The following MTHFD1L variants were observed in gnomAD, a reference collection of about 807,000 sequenced individuals.
MTHFD1L encodes the protein monofunctional C1-tetrahydrofolate synthase, mitochondrial.
MTHFD1L carries 81 observed loss-of-function variants against 119.5 expected under a neutral mutation model. The observed-to-expected ratio is 0.68, with a 90% confidence interval of 0.57 to 0.82. The LOEUF (loss-of-function observed/expected upper bound fraction) is 0.82, where lower values mean the gene tolerates loss of function less well. Ranked by LOEUF, MTHFD1L falls within the 40% of genes least tolerant of loss-of-function variation. The probability of loss-of-function intolerance (pLI) is 0.00; values close to 1 mark genes in which losing one functional copy is unlikely to be tolerated. For synonymous variants in MTHFD1L, 430 were observed against 475.2 expected (o/e 0.90, Z 1.24); for missense variants, 1,125 against 1,253.4 (o/e 0.90, Z 1.55).
intron 7 of MTHFD1L, among the ~76,000 whole-genome samples, chr6:150,892,435 C>G (rs1438366439): frequency 6.6e-6 from 1 of 152,156 alleles, no homozygotes; most frequent in East Asian, 1.9e-4. Context: ...GGGTAACATT[C>G]TTGTTTTCAT....
chr6:150,975,011 T>A (rs1776350760), intron 20 of MTHFD1L, among the ~76,000 whole-genome samples: 2 of 152,172 alleles, frequency 1.3e-5, no homozygotes, highest in South Asian at 4.1e-4. Context: ...GTGCTGGGAT[T>A]ACAGGTGTGA....
chr6:150,869,006 A>G (rs971767383), intron 1 of MTHFD1L, among the ~76,000 whole-genome samples: 10 of 152,212 alleles, frequency 6.6e-5, no homozygotes, highest in African/African-American at 2.4e-4. Context: ...GGCTACAGTG[A>G]GCGGAGATTG....
chr6:150,988,253 A>G (rs967058981), intron 20 of MTHFD1L, among the ~76,000 whole-genome samples: 4 of 152,250 alleles, frequency 2.6e-5, no homozygotes, highest in African/African-American at 9.6e-5. Context: ...TTTTAAAAAT[A>G]TCCGTTACAT....
At chr6:151,029,539 G>A (rs1163913050) in intron 24 of MTHFD1L, among the ~76,000 whole-genome samples, 2 of 152,126 alleles carry the variant, frequency 1.3e-5, no homozygotes, top group East Asian at 1.9e-4. Flanking sequence ...GCTCACGCCT[G>A]TAATCCCAGC....
intron 26 of MTHFD1L, among the ~76,000 whole-genome samples, chr6:151,047,394 A>G (rs1229877957): frequency 2.0e-5 from 3 of 152,230 alleles, no homozygotes; most frequent in Non-Finnish European, 4.4e-5. Flanking sequence ...GTATAAAATC[A>G]GGGAGCAAGT....
At chr6:150,995,471 G>A (rs1007422784) in intron 20 of MTHFD1L, among the ~76,000 whole-genome samples, 5 of 143,700 alleles carry the variant, frequency 3.5e-5, no homozygotes, top group East Asian at 2.1e-4. Context: ...CTGAGATCAC[G>A]CCATTGCATT....
At position 151,101,610 on chromosome 6, in the gene MTHFD1L, A is replaced by G. The variant is rs1013994566; in HGVS notation, c.*116A>G. 3.9e-5 allele frequency: 6 copies of G among 152,596 alleles called. No individual in the cohort carries two copies. The highest frequency in any genetic ancestry group is 7.2e-5 in the African/African-American group (3 of 41,440). The allele number at this position is 152,596 out of a possible 1,614,324, so 9.5% of individuals were successfully genotyped here. A position where few individuals can be genotyped will look rare whatever the true frequency, so the allele number is the denominator to read the frequency against. On this transcript the variant is annotated 3_prime_UTR_variant, in exon 28 of 28. Transcript: ENST00000367321. ...AAAAATGTCTGTTATGCAATGCTGG[A>G]GACATGGTGAAATAGGCCAAAGATT... is the stretch of plus-strand genomic sequence containing the variant.
chr6:150,912,731 G>A (rs770679696), intron 8 of MTHFD1L: 3 of 510,796 alleles, frequency 5.9e-6, no homozygotes, highest in South Asian at 4.4e-5. Flanking sequence ...TGTCCCTGGA[G>A]AAATCATGAG....
chr6:150,997,132 G>T (rs1223639566), intron 20 of MTHFD1L, among the ~76,000 whole-genome samples: 1 of 152,140 alleles, frequency 6.6e-6, no homozygotes, highest in Non-Finnish European at 1.5e-5. Context: ...TCTCAGCACT[G>T]TGTCCTGGTC....
At chr6:150,928,864 G>A (rs1205317056) in intron 11 of MTHFD1L, among the ~76,000 whole-genome samples, 2 of 152,124 alleles carry the variant, frequency 1.3e-5, no homozygotes, top group Admixed American at 6.6e-5. Context: ...TTTTGTAAGA[G>A]GGACAGACAG....
chr6:150,966,755 C>T (rs1217315094), intron 19 of MTHFD1L, among the ~76,000 whole-genome samples: 6 of 152,026 alleles, frequency 3.9e-5, no homozygotes, highest in South Asian at 2.1e-4. Context: ...GAACAGGAGG[C>T]GAAGATTACA....
chr6:151,079,929 C>T (rs1792966794), intron 26 of MTHFD1L, among the ~76,000 whole-genome samples: 1 of 151,458 alleles, frequency 6.6e-6, no homozygotes, highest in African/African-American at 2.4e-5. Flanking sequence ...AATCCCAGGA[C>T]TTTGGAGAGC....
intron 20 of MTHFD1L, among the ~76,000 whole-genome samples, chr6:150,981,787 G>A (rs375424929): frequency 2.6e-5 from 4 of 152,080 alleles, no homozygotes; most frequent in African/African-American, 9.7e-5. Flanking sequence ...GATATTGTTG[G>A]CAACATTTTA....
At chr6:150,944,432 A>C in intron 13 of MTHFD1L, 54 bp from the exon 14 acceptor site, 1 of 1,367,444 alleles carries the variant, frequency 7.3e-7, no homozygotes, top group Non-Finnish European at 1.0e-6. Flanking sequence ...TGGGCAACAA[A>C]GCGAGACCCT....
At chr6:150,960,674 T>C (rs1257164867) in intron 18 of MTHFD1L, among the ~76,000 whole-genome samples, 1 of 152,144 alleles carries the variant, frequency 6.6e-6, no homozygotes, top group East Asian at 1.9e-4. Flanking sequence ...TCCTTGCCAA[T>C]CCTGATCTCT....
At chr6:150,917,547 C>CA (rs905014345) in intron 8 of MTHFD1L, among the ~76,000 whole-genome samples, 27 of 150,710 alleles carry the variant, frequency 1.8e-4, no homozygotes, top group Non-Finnish European at 2.5e-4. Flanking sequence ...CCCACTGTGT[C>CA]AAAAAAAAAT....
At chr6:151,030,134 TAC>T (rs1461655991) in intron 24 of MTHFD1L, among the ~76,000 whole-genome samples, 1 of 152,248 alleles carries the variant, frequency 6.6e-6, no homozygotes, top group Admixed American at 6.5e-5. Flanking sequence ...ACGTGTGCAG[TAC>T]AGTGATGTAT....
chr6:151,044,861 G>T (rs1344769378), intron 26 of MTHFD1L, among the ~76,000 whole-genome samples: 1 of 152,202 alleles, frequency 6.6e-6, no homozygotes, highest in African/African-American at 2.4e-5. Context: ...CAAATGCTGG[G>T]TGGGGTTACT....
intron 8 of MTHFD1L, among the ~76,000 whole-genome samples, chr6:150,910,147 C>T (rs1400197288): frequency 2.6e-5 from 4 of 151,552 alleles, no homozygotes; most frequent in African/African-American, 9.7e-5. Flanking sequence ...CGCCATTGCA[C>T]TCCAGCCTGG....
Sources: gnomAD v4.1 joint callset for allele counts (sites outside exome capture counted in the v4.1 genomes callset) on GRCh38, gnomAD v4.1.1 for gene constraint, MANE v1.5 for transcripts, NCBI Gene and HGNC (gene_info 2026-07-23, HGNC 2026-07-21) for gene names.